PROM1: variants seen among roughly 807,000 people sequenced by gnomAD.
PROM1 encodes prominin 1, also known as prominin-1.
A neutral mutation model predicts 116.9 loss-of-function variants in PROM1; 105 were observed. The observed-to-expected ratio is 0.90, with a 90% confidence interval of 0.77 to 1.06. PROM1 has a LOEUF of 1.06. Ranked by LOEUF, PROM1 falls within the 50% of genes least tolerant of loss-of-function variation. PROM1 has a pLI of 0.00. For missense variants in PROM1, 1,122 were observed against 1,045.2 expected, an observed-to-expected ratio of 1.07 and a Z score of -1.01; for synonymous variants, 393 against 387.0, an observed-to-expected ratio of 1.02 and a Z score of -0.18.
At chr4:16,019,489 G>T (rs1186411141) in intron 8 of PROM1, among the ~76,000 whole-genome samples, 1 of 152,138 alleles carries the variant, frequency 6.6e-6, no homozygotes, top group Non-Finnish European at 1.5e-5. Flanking sequence ...GTTCACCATG[G>T]GTTTATTGGG....
At chr4:16,026,531 C>T (rs79625633) in intron 5 of PROM1, among the ~76,000 whole-genome samples, 8,524 of 152,234 alleles carry the variant, frequency 0.056, 269 homozygotes, top group African/African-American at 0.086. Context: ...AAAATCAATA[C>T]ATTGCCTCTT....
intron 15 of PROM1, among the ~76,000 whole-genome samples, chr4:15,997,323 T>C (rs1422926915): frequency 6.7e-6 from 1 of 149,546 alleles, no homozygotes; most frequent in Non-Finnish European, 1.5e-5. Flanking sequence ...TATATATATA[T>C]ATATATGAAA....
chr4:16,020,663 C>A (rs1171449470), intron 8 of PROM1, among the ~76,000 whole-genome samples: 2 of 152,120 alleles, frequency 1.3e-5, no homozygotes, highest in African/African-American at 4.8e-5. Context: ...AGAACCACCA[C>A]CACCACCACC....
intron 2 of PROM1, among the ~76,000 whole-genome samples, chr4:16,049,716 T>G (rs1737404068): frequency 6.6e-6 from 1 of 151,234 alleles, no homozygotes; most frequent in South Asian, 2.1e-4. Flanking sequence ...TCTCCTTAAA[T>G]TTATATATAT....
chr4:16,017,145 T>C (rs538100976), intron 9 of PROM1, among the ~76,000 whole-genome samples: 17 of 152,266 alleles, frequency 1.1e-4, no homozygotes, highest in Admixed American at 3.3e-4. Flanking sequence ...CAACTTACCT[T>C]TTGAGAAAAG....
At chr4:15,979,704 G>T (rs1402514138) in intron 25 of PROM1, among the ~76,000 whole-genome samples, 177 bp downstream of exon 25, 1 of 152,092 alleles carries the variant, frequency 6.6e-6, no homozygotes, top group Non-Finnish European at 1.5e-5. Flanking sequence ...TATTTCTTGA[G>T]CACCCTCTAT....
chr4:16,031,964 G>A lies in PROM1; in HGVS notation c.509+1340C>T, dbSNP rs181185207. ...TAAGTTAATTCAATAGGTAATACCCGAGCCTGGTACATAATCAAAAGAGAC... is the reference window on the plus strand; with the variant it reads ...TAAGTTAATTCAATAGGTAATACCCAAGCCTGGTACATAATCAAAAGAGAC... On this transcript the variant is annotated intron_variant, in intron 5 of 27. Coordinates refer to ENST00000447510, the MANE Select transcript of PROM1 (RefSeq NM_006017.3). 4.5e-3 allele frequency among the ~76,000 whole-genome samples: 680 copies of A among 151,870 alleles called. 1 individual carries two copies. Among genetic ancestry groups the A allele is most frequent in the African/African-American group, 0.015 (629 of 41,292 alleles).
intron 2 of PROM1, among the ~76,000 whole-genome samples, chr4:16,054,255 G>A (rs945936096): frequency 4.0e-5 from 6 of 151,892 alleles, no homozygotes; most frequent in East Asian, 1.9e-4. Context: ...TCTATACAGC[G>A]CTATCAAGTT....
At chr4:16,000,665 T>A (rs17478107) in intron 13 of PROM1, 46 bp from the exon 14 acceptor site, 5 of 1,448,198 alleles carry the variant, frequency 3.5e-6, no homozygotes, top group South Asian at 2.6e-5. Flanking sequence ...AATGATTCAA[T>A]ATTACCTACT....
At chr4:15,993,586 C>T (rs1378387290) in intron 16 of PROM1, among the ~76,000 whole-genome samples, 5 of 152,220 alleles carry the variant, frequency 3.3e-5, no homozygotes, top group African/African-American at 9.6e-5. Flanking sequence ...TGCTCCTCCA[C>T]ACTGAGTGCC....
At position 15,979,431 on chromosome 4, in the gene PROM1, T is replaced by C; in HGVS notation, c.2546A>G (p.Asp849Gly). The change falls in exon 26 of 28, where the codon GAT becomes GGT. Residue 849 changes from aspartate to glycine, a missense_variant. Transcript: ENST00000447510. ...AGGATTGTGAATACCATATACATGATCTTTATGATAACCATTATTACCATT... is the reference window on the plus strand; with the variant it reads ...AGGATTGTGAATACCATATACATGACCTTTATGATAACCATTATTACCATT... ...MENGNNGYHK[D>G]HVYGIHNPVM... The C allele has an allele frequency of 6.2e-7, 1 of 1,612,880 alleles. No homozygotes were observed. Among genetic ancestry groups the C allele is most frequent in the Non-Finnish European group, 8.5e-7 (1 of 1,179,402 alleles).
chr4:16,063,392 T>A (rs935314790), intron 2 of PROM1, among the ~76,000 whole-genome samples: 1 of 152,074 alleles, frequency 6.6e-6, no homozygotes, highest in African/African-American at 2.4e-5. Flanking sequence ...GGTCAGGAGT[T>A]CGAGACCAGC....
At position 15,998,424 on chromosome 4, in the gene PROM1, T is replaced by G. The variant is rs1332920472; in HGVS notation, c.1643A>C (p.Asn548Thr). The G allele has an allele frequency of 4.4e-6, 7 of 1,608,906 alleles. No homozygotes were observed. The highest frequency in any genetic ancestry group is 1.3e-5 in the African/African-American group (1 of 74,740). The change falls in exon 15 of 28, where the codon AAT becomes ACT. Residue 548 changes from asparagine to threonine, a missense_variant. Asn to Thr is a moderately conservative substitution (Grantham distance 65). Transcript: ENST00000447510. The part of the protein sequence containing the change: ...WEYYLSGKLF[N>T]KSKMKLTFEQ... ...AAAAGTGAGCTTCATTTTTGATTTA[T>G]TAAATAGCTTCCCAGAGAGATAGTA...
chr4:16,055,373 G>C, intron 2 of PROM1: 1 of 456,064 alleles, frequency 2.2e-6, no homozygotes, highest in South Asian at 1.5e-5. Flanking sequence ...TTCTGGCTTC[G>C]TTATCCTACC....
chr4:15,993,930 A>T, intron 16 of PROM1, 57 bp downstream of exon 16: 1 of 1,559,338 alleles, frequency 6.4e-7, no homozygotes, highest in Non-Finnish European at 8.7e-7. Flanking sequence ...AGAAAGAAAG[A>T]CACCTAGATT....
intron 2 of PROM1, among the ~76,000 whole-genome samples, chr4:16,040,125 C>A (rs1734876388): frequency 6.6e-6 from 1 of 152,190 alleles, no homozygotes; most frequent in South Asian, 2.1e-4. Flanking sequence ...AAACGAAACA[C>A]TACATCAACT....
intron 26 of PROM1, among the ~76,000 whole-genome samples, chr4:15,973,891 C>T (rs1715342394): frequency 1.3e-5 from 2 of 152,188 alleles, no homozygotes; most frequent in East Asian, 1.9e-4. Flanking sequence ...AAGGCGGTGA[C>T]GACAGCCATA....
chr4:15,987,584 C>A, intron 20 of PROM1, 79 bp downstream of exon 20: 3 of 1,430,096 alleles, frequency 2.1e-6, no homozygotes, highest in Admixed American at 2.1e-5. Context: ...AAAGTACCTA[C>A]AAAAATCCAC....
intron 1 of PROM1, chr4:16,078,103 C>T (rs1744325372): frequency 6.6e-6 from 1 of 152,272 alleles, no homozygotes. Context: ...TTACCTACCC[C>T]TTGGGAGACG....
Sources: allele counts gnomAD v4.1 joint callset (sites outside exome capture counted in the v4.1 genomes callset), GRCh38; gene constraint gnomAD v4.1.1; transcripts MANE v1.5; gene names NCBI Gene and HGNC (gene_info 2026-07-23, HGNC 2026-07-21).